The following FRMD4A variants were observed in gnomAD, a reference collection of about 807,000 sequenced individuals.
FRMD4A encodes FERM domain-containing protein 4A.
Under a neutral mutation model 129.1 loss-of-function variants are expected in FRMD4A, and 29 were observed. The observed-to-expected ratio is 0.22, with a 90% CI of 0.17 to 0.31. FRMD4A has a LOEUF of 0.31. Ranked by LOEUF, FRMD4A falls within the 10% of genes least tolerant of loss-of-function variation. The pLI, the probability that FRMD4A is intolerant of heterozygous loss-of-function variation, is 1.00. For synonymous variants in FRMD4A, 634 were observed against 571.6 expected (o/e 1.11, Z -1.56); for missense variants, 1,272 against 1,375.8 (o/e 0.92, Z 1.19).
chr10:14,122,633 T>G (rs773723716), intron 2 of FRMD4A, among the ~76,000 whole-genome samples: 24 of 151,864 alleles, frequency 1.6e-4, no homozygotes, highest in Non-Finnish European at 2.6e-4. Flanking sequence ...GCTACACACT[T>G]TTAAATGATT....
intron 2 of FRMD4A, among the ~76,000 whole-genome samples, chr10:13,905,472 G>A (rs2094872084): frequency 6.6e-6 from 1 of 152,158 alleles, no homozygotes; most frequent in Admixed American, 6.5e-5. Flanking sequence ...GAAGAGAAAG[G>A]AAAGTACCTT....
At chr10:13,795,504 G>A (rs1272063026) in intron 5 of FRMD4A, among the ~76,000 whole-genome samples, 2 of 152,202 alleles carry the variant, frequency 1.3e-5, no homozygotes, top group Non-Finnish European at 1.5e-5. Context: ...GCCTATGTCT[G>A]GAACTGCATT....
intron 2 of FRMD4A, among the ~76,000 whole-genome samples, chr10:13,937,007 C>T (rs115051257): frequency 6.6e-6 from 1 of 152,226 alleles, no homozygotes; most frequent in Non-Finnish European, 1.5e-5. Context: ...ACAAGGCAGG[C>T]ATGCATTGCC....
intron 2 of FRMD4A, among the ~76,000 whole-genome samples, chr10:14,092,452 T>C (rs1361531986): frequency 6.6e-6 from 1 of 152,204 alleles, no homozygotes; most frequent in African/African-American, 2.4e-5. Flanking sequence ...TGGACTCTGT[T>C]GCTGGCCTTG....
At chr10:14,095,522 G>A (rs559716844) in intron 2 of FRMD4A, among the ~76,000 whole-genome samples, 15 of 152,306 alleles carry the variant, frequency 9.8e-5, no homozygotes, top group South Asian at 4.2e-4. Flanking sequence ...ATAAAGAGCC[G>A]AAGCACCTCG....
At chr10:13,964,390 A>G (rs1447164977) in intron 2 of FRMD4A, among the ~76,000 whole-genome samples, 1 of 151,286 alleles carries the variant, frequency 6.6e-6, no homozygotes, top group Non-Finnish European at 1.5e-5. Flanking sequence ...ATGGTAAGTC[A>G]GTAATTCAGA....
At chr10:14,162,380 A>AT (rs1840935932) in intron 2 of FRMD4A, among the ~76,000 whole-genome samples, 1 of 152,216 alleles carries the variant, frequency 6.6e-6, no homozygotes, top group Non-Finnish European at 1.5e-5. Context: ...TGTAAGTGGG[A>AT]TTTTGGCATA....
intron 2 of FRMD4A, among the ~76,000 whole-genome samples, chr10:14,190,377 T>C (rs1301512489): frequency 2.6e-5 from 4 of 152,194 alleles, no homozygotes; most frequent in East Asian, 1.9e-4. Flanking sequence ...GTTTGTTTTT[T>C]GTTCATTTTT....
chr10:14,122,362 A>G (rs1434019092), intron 2 of FRMD4A, among the ~76,000 whole-genome samples: 3 of 152,188 alleles, frequency 2.0e-5, no homozygotes, highest in Non-Finnish European at 4.4e-5. Flanking sequence ...TAATTGACAA[A>G]TAATTGTACA....
At chr10:14,185,551 G>A (rs4750482) in intron 2 of FRMD4A, among the ~76,000 whole-genome samples, 72,510 of 152,046 alleles carry the variant, frequency 0.48, 18,640 homozygotes, top group African/African-American at 0.69. Context: ...GAAACATAAA[G>A]CAAGACTATT....
chr10:14,265,921 C>G (rs923474303), intron 2 of FRMD4A, among the ~76,000 whole-genome samples: 1 of 152,110 alleles, frequency 6.6e-6, no homozygotes, highest in Non-Finnish European at 1.5e-5. Flanking sequence ...AATGCTTCAC[C>G]TCTATAAGCG....
At chr10:13,949,186 A>T (rs1309691871) in intron 2 of FRMD4A, among the ~76,000 whole-genome samples, 2 of 151,816 alleles carry the variant, frequency 1.3e-5, no homozygotes, top group Admixed American at 6.6e-5. Context: ...CACTTTCAAG[A>T]TCGATAAACT....
Position 13,887,539 on chromosome 10 carries a change from C to T in FRMD4A, c.46-28627G>A, listed in dbSNP as rs370851208. On this transcript the variant is annotated intron_variant, in intron 2 of 24. Coordinates refer to ENST00000357447, the MANE Select transcript of FRMD4A (RefSeq NM_018027.5). ...ACTAAAAATACAAAAATTAGCTGGGCGTAGTGGCACGTGCCTGTATTCCCA... is the reference window on the plus strand; with the variant it reads ...ACTAAAAATACAAAAATTAGCTGGGTGTAGTGGCACGTGCCTGTATTCCCA... 4.6e-4 allele frequency among the ~76,000 whole-genome samples: 70 copies of T among 152,086 alleles called. 1 individual carries two copies. The East Asian group carries it at 0.012, about 27-fold the overall frequency.
chr10:14,058,440 T>C (rs1018235045), intron 2 of FRMD4A, among the ~76,000 whole-genome samples: 1 of 152,204 alleles, frequency 6.6e-6, no homozygotes. Flanking sequence ...TGGCAGGCAA[T>C]GGGAGAGTCT....
rs1028097770 is a variant in FRMD4A at position 13,783,032 on chromosome 10, C to A, written c.300-26G>T. ...CTGAAAGAGAAAAATGGTGCGTGAA[C>A]CACAGAAACAGCAGGTGCAGAAAAT... On this transcript the variant is annotated intron_variant, in intron 5 of 24. Coordinates refer to ENST00000357447, the MANE Select transcript of FRMD4A (RefSeq NM_018027.5). 1.6e-5 allele frequency: 14 copies of A among 864,098 alleles called. No individual in the cohort carries two copies. In the African/African-American group the frequency reaches 2.3e-4, roughly 14 times the overall value. The allele number at this position is 864,098 out of a possible 1,614,324, so 53.5% of individuals were successfully genotyped here. A position where few individuals can be genotyped will look rare whatever the true frequency, so the allele number is the denominator to read the frequency against.
intron 2 of FRMD4A, among the ~76,000 whole-genome samples, chr10:14,194,311 A>G (rs772889876): frequency 1.3e-5 from 2 of 152,100 alleles, no homozygotes; most frequent in Non-Finnish European, 2.9e-5. Context: ...GGGAAAGGGT[A>G]TTAAAAAACA....
intron 2 of FRMD4A, among the ~76,000 whole-genome samples, chr10:14,197,005 A>C (rs920573188): frequency 1.3e-5 from 2 of 152,136 alleles, no homozygotes; most frequent in Non-Finnish European, 2.9e-5. Context: ...AATTGGGTGA[A>C]TCCTAGAATT....
chr10:13,937,278 T>A (rs1011696981), intron 2 of FRMD4A, among the ~76,000 whole-genome samples: 1 of 152,178 alleles, frequency 6.6e-6, no homozygotes, highest in Non-Finnish European at 1.5e-5. Context: ...CTGATTACAG[T>A]GGTGCTTCCT....
chr10:13,838,536 A>G (rs544172922), intron 3 of FRMD4A, among the ~76,000 whole-genome samples: 1 of 150,848 alleles, frequency 6.6e-6, no homozygotes, highest in Non-Finnish European at 1.5e-5. Context: ...TCTGTTGCCC[A>G]GGCTGGAGTG....
Sources: allele counts gnomAD v4.1 joint callset (sites outside exome capture counted in the v4.1 genomes callset), GRCh38; gene constraint gnomAD v4.1.1; transcripts MANE v1.5; gene names NCBI Gene and HGNC (gene_info 2026-07-23, HGNC 2026-07-21).